LAPTM4B: variants seen among roughly 807,000 people sequenced by gnomAD.
The protein encoded by LAPTM4B is lysosomal-associated transmembrane protein 4B.
Under a neutral mutation model 28.5 loss-of-function variants are expected in LAPTM4B, and 26 were observed. The ratio of observed to expected loss-of-function variants is 0.91; its 90% confidence interval spans 0.67 to 1.27. The LOEUF (loss-of-function observed/expected upper bound fraction) is 1.27. Ranked by LOEUF, LAPTM4B falls within the 50% of genes most tolerant of loss-of-function variation. LAPTM4B has a pLI of 0.00. For missense variants in LAPTM4B, 288 were observed against 285.8 expected, an observed-to-expected ratio of 1.01 and a Z score of -0.06; for synonymous variants, 109 against 106.4, an observed-to-expected ratio of 1.02 and a Z score of -0.15.
intron 6 of LAPTM4B, among the ~76,000 whole-genome samples, chr8:97,842,932 G>A (rs180743677): frequency 4.7e-4 from 71 of 151,750 alleles, no homozygotes; most frequent in Middle Eastern, 3.4e-3. Flanking sequence ...AGGCTGGAGT[G>A]TGGTGGTGCA....
At chr8:97,822,530 T>TTATTTATG (rs1272043290) in intron 5 of LAPTM4B, among the ~76,000 whole-genome samples, 3,214 of 69,762 alleles carry the variant, frequency 0.046, 104 homozygotes, top group East Asian at 0.19. Flanking sequence ...GACTTCTATT[T>TTATTTATG]TATTTATTTA....
At chr8:97,791,310 A>G (rs531874234) in intron 1 of LAPTM4B, among the ~76,000 whole-genome samples, 1 of 152,284 alleles carries the variant, frequency 6.6e-6, no homozygotes, top group East Asian at 1.9e-4. Flanking sequence ...GTTCTTTAAG[A>G]CATGAAAGGG....
intron 1 of LAPTM4B, among the ~76,000 whole-genome samples, chr8:97,785,846 A>C (rs1433591389): frequency 1.3e-5 from 2 of 152,216 alleles, no homozygotes; most frequent in Admixed American, 1.3e-4. Flanking sequence ...TGATTGCTGT[A>C]TCGTTTTAAT....
chr8:97,845,601 G>A (rs1285805941), intron 6 of LAPTM4B, among the ~76,000 whole-genome samples: 4 of 151,914 alleles, frequency 2.6e-5, no homozygotes, highest in Non-Finnish European at 5.9e-5. Flanking sequence ...GACTTATGGT[G>A]CAATTACCTT....
Position 97,819,727 on chromosome 8 carries a change from C to CTTTT in LAPTM4B, c.507+511_507+514dup, listed in dbSNP as rs532220760. Among the ~76,000 whole-genome samples the CTTTT allele has an allele frequency of 6.9e-4, 54 of 78,540 alleles. 2 individuals carry two copies. Among genetic ancestry groups the CTTTT allele is most frequent in the Middle Eastern group, 8.3e-3 (1 of 120 alleles). The allele number at this position is 78,540 out of a possible 152,430, so 51.5% of individuals were successfully genotyped here. A position where few individuals can be genotyped will look rare whatever the true frequency, so the allele number is the denominator to read the frequency against. The stretch of plus-strand genomic sequence containing the variant: ...ATGCATTTATCTCAAGATAAATTTC[C>CTTTT]TTTTTTTTTTTTTTTTTTTTTTTTT... On this transcript the variant is annotated intron_variant, in intron 5 of 6. Transcript: ENST00000521545.
At chr8:97,849,476 C>T (rs1220389176) in intron 6 of LAPTM4B, among the ~76,000 whole-genome samples, 3 of 152,208 alleles carry the variant, frequency 2.0e-5, no homozygotes. Context: ...GTGTATCTTG[C>T]CTACTCCATT....
At chr8:97,782,391 G>C (rs1040032067) in intron 1 of LAPTM4B, among the ~76,000 whole-genome samples, 66 of 139,100 alleles carry the variant, frequency 4.7e-4, no homozygotes, top group African/African-American at 1.5e-3. Context: ...TGCCATTTCA[G>C]CCTCCCAAGT....
At chr8:97,776,147 T>G (rs776052031) in intron 1 of LAPTM4B, 39 bp downstream of exon 1, 2 of 1,499,398 alleles carry the variant, frequency 1.3e-6, no homozygotes, top group Non-Finnish European at 8.9e-7. Context: ...CTGCGTTGCT[T>G]CCGCGCCCCT....
intron 1 of LAPTM4B, among the ~76,000 whole-genome samples, chr8:97,785,657 T>C (rs921203864): frequency 4.6e-5 from 7 of 152,004 alleles, no homozygotes; most frequent in African/African-American, 1.7e-4. Flanking sequence ...GAACAGGGAG[T>C]GTACTGATAC....
intron 6 of LAPTM4B, among the ~76,000 whole-genome samples, chr8:97,834,259 G>C (rs543775306): frequency 6.6e-6 from 1 of 151,928 alleles, no homozygotes; most frequent in Non-Finnish European, 1.5e-5. Context: ...AGCTGTGATC[G>C]TGCCACTGCA....
intron 6 of LAPTM4B, among the ~76,000 whole-genome samples, chr8:97,850,926 A>AT (rs1232269318): frequency 2.0e-5 from 3 of 151,356 alleles, no homozygotes; most frequent in Non-Finnish European, 4.4e-5. Context: ...ATGGAAACTG[A>AT]TGTTAAGGAA....
intron 5 of LAPTM4B, among the ~76,000 whole-genome samples, chr8:97,824,848 T>C (rs1817069490): frequency 6.7e-6 from 1 of 149,186 alleles, no homozygotes; most frequent in Non-Finnish European, 1.5e-5. Context: ...ATTGGTGTAA[T>C]AGAATACGGC....
Position 97,851,754 on chromosome 8 carries a change from C to T in LAPTM4B, c.*280C>T, listed in dbSNP as rs966001157. On this transcript the variant is annotated 3_prime_UTR_variant, in exon 7 of 7. Transcript: ENST00000521545. ...TGAAACTTCCCCCAAATCTGATGGA[C>T]CTAGAAGTCTGCTTTTGTACCTGCT... The T allele has an allele frequency of 2.5e-4, 97 of 393,730 alleles. No homozygotes were observed. The highest frequency in any genetic ancestry group is 3.8e-4 in the Non-Finnish European group (85 of 221,204). The allele number at this position is 393,730 out of a possible 1,614,324, so 24.4% of individuals were successfully genotyped here. A position where few individuals can be genotyped will look rare whatever the true frequency, so the allele number is the denominator to read the frequency against.
intron 1 of LAPTM4B, among the ~76,000 whole-genome samples, chr8:97,782,279 C>CTT (rs34322160): frequency 0.24 from 12,053 of 50,252 alleles, 3,713 homozygotes; most frequent in Non-Finnish European, 0.28. Flanking sequence ...CCATGCCCAG[C>CTT]TTTTTTTTTT....
chr8:97,812,897 C>T (rs951473219), intron 2 of LAPTM4B, among the ~76,000 whole-genome samples: 2 of 152,200 alleles, frequency 1.3e-5, no homozygotes, highest in African/African-American at 4.8e-5. Flanking sequence ...GGAACAGCAC[C>T]AGAAGCCAGC....
chr8:97,825,191 C>A, intron 6 of LAPTM4B, 38 bp downstream of exon 6: 2 of 1,064,004 alleles, frequency 1.9e-6, no homozygotes, highest in Non-Finnish European at 2.9e-6. Flanking sequence ...ATCTCGCCCA[C>A]ACCTTTACTG....
chr8:97,818,887 G>T (rs1296093707), intron 4 of LAPTM4B, among the ~76,000 whole-genome samples: 1 of 132,472 alleles, frequency 7.5e-6, no homozygotes, highest in Admixed American at 7.3e-5. Context: ...AAAAAAAAAA[G>T]GAATGGTTCA....
chr8:97,795,054 A>G (rs1170859175), intron 1 of LAPTM4B, among the ~76,000 whole-genome samples: 1 of 152,376 alleles, frequency 6.6e-6, no homozygotes, highest in East Asian at 1.9e-4. Flanking sequence ...ACTGGAATAT[A>G]GAAATTAGCC....
chr8:97,811,217 A>G (rs555369934), intron 2 of LAPTM4B, among the ~76,000 whole-genome samples: 11 of 152,266 alleles, frequency 7.2e-5, no homozygotes, highest in Non-Finnish European at 1.3e-4. Flanking sequence ...CATCTACCCT[A>G]TGGCCCTGCA....
Sources: allele counts gnomAD v4.1 joint callset (sites outside exome capture counted in the v4.1 genomes callset), GRCh38; gene constraint gnomAD v4.1.1; transcripts MANE v1.5; gene names NCBI Gene and HGNC (gene_info 2026-07-23, HGNC 2026-07-21).